HORMAD2: variants seen among roughly 807,000 people sequenced by gnomAD.
HORMAD2 encodes the protein HORMA domain containing 2.
Under a neutral mutation model 38.8 loss-of-function variants are expected in HORMAD2, and 45 were observed. The ratio of observed to expected loss-of-function variants is 1.16; its 90% CI spans 0.91 to 1.49. The LOEUF (loss-of-function observed/expected upper bound fraction) is 1.49, where lower values mean the gene tolerates loss of function less well. HORMAD2 is among the 40% of genes most tolerant of loss of function. HORMAD2 has a pLI of 0.00. For missense variants in HORMAD2, 338 were observed against 367.0 expected, an observed-to-expected ratio of 0.92 and a Z score of 0.65; for synonymous variants, 126 against 122.8, an observed-to-expected ratio of 1.03 and a Z score of -0.17.
At chr22:30,098,687 G>A (rs1246536667) in intron 2 of HORMAD2, among the ~76,000 whole-genome samples, 165 bp from the exon 3 acceptor site, 2 of 152,110 alleles carry the variant, frequency 1.3e-5, no homozygotes, top group Non-Finnish European at 2.9e-5. Context: ...TGCCTATGAA[G>A]ATCTAATTTA....
chr22:30,159,255 T>C (rs1177821169), intron 10 of HORMAD2, among the ~76,000 whole-genome samples: 1 of 152,202 alleles, frequency 6.6e-6, no homozygotes, highest in Non-Finnish European at 1.5e-5. Context: ...TTCACTCTGC[T>C]CTCTGGCCCA....
chr22:30,191,098 C>T, the HORMAD2 span, among the ~76,000 whole-genome samples: 1 of 152,244 alleles, frequency 6.6e-6, no homozygotes, highest in East Asian at 1.9e-4. Flanking sequence ...TCTTTCCCTG[C>T]TCTGAGAAGT....
chr22:30,104,531 CA>C (rs1921043986), intron 5 of HORMAD2, 94 bp downstream of exon 5: 1 of 1,043,470 alleles, frequency 9.6e-7, no homozygotes, highest in South Asian at 1.4e-5. Flanking sequence ...TTGTGTTTAA[CA>C]GTATAAGTGT....
chr22:30,078,607 C>CCAAAA (rs1234942826), upstream of HORMAD2, among the ~76,000 whole-genome samples: 27 of 28,092 alleles, frequency 9.6e-4, 2 homozygotes, highest in African/African-American at 2.7e-3. Context: ...CTCTGTCTCA[C>CCAAAA]AAAAAAAAAA....
intron 10 of HORMAD2, among the ~76,000 whole-genome samples, chr22:30,124,290 C>CACACACAT (rs1248918561): frequency 7.0e-6 from 1 of 143,708 alleles, no homozygotes; most frequent in African/African-American, 2.5e-5. Context: ...CACACACACA[C>CACACACAT]ACATACATAC....
chr22:30,168,260 G>A (rs1302225472), intron 10 of HORMAD2, among the ~76,000 whole-genome samples: 2 of 152,054 alleles, frequency 1.3e-5, no homozygotes, highest in Non-Finnish European at 2.9e-5. Flanking sequence ...AAATAATTAA[G>A]GCCATCAAAC....
intron 10 of HORMAD2, among the ~76,000 whole-genome samples, chr22:30,126,451 G>A (rs2146140834): frequency 6.6e-6 from 1 of 152,272 alleles, no homozygotes; most frequent in South Asian, 2.1e-4. Context: ...ACAGGTGTGA[G>A]CCACCACGCA....
At chr22:30,188,525 C>T in the HORMAD2 span, among the ~76,000 whole-genome samples, 1 of 152,150 alleles carries the variant, frequency 6.6e-6, no homozygotes, top group Admixed American at 6.5e-5. Context: ...TTTCAAAGGG[C>T]CCTCTCTGGG....
intron 10 of HORMAD2, chr22:30,137,101 A>G: frequency 2.7e-6 from 1 of 377,310 alleles, no homozygotes; most frequent in East Asian, 5.1e-5. Context: ...ATGTGAACTT[A>G]AATCATGGTC....
chr22:30,111,906 C>A, intron 6 of HORMAD2, 90 bp downstream of exon 6: 1 of 942,830 alleles, frequency 1.1e-6, no homozygotes, highest in Non-Finnish European at 1.6e-6. Flanking sequence ...TCTCCCTCTT[C>A]CTCCCTGACT....
At chr22:30,187,402 C>T in the HORMAD2 span, among the ~76,000 whole-genome samples, 1 of 152,044 alleles carries the variant, frequency 6.6e-6, no homozygotes, top group African/African-American at 2.4e-5. Context: ...AACCACCATG[C>T]TTTGCTATGA....
At chr22:30,130,710 C>T (rs1005689812) in intron 10 of HORMAD2, among the ~76,000 whole-genome samples, 4 of 151,440 alleles carry the variant, frequency 2.6e-5, no homozygotes, top group Middle Eastern at 3.2e-3. Flanking sequence ...TCTACCTCAG[C>T]CACCCGAGTA....
At chr22:30,146,810 G>A (rs1230133947) in intron 10 of HORMAD2, among the ~76,000 whole-genome samples, 1 of 151,958 alleles carries the variant, frequency 6.6e-6, no homozygotes, top group Non-Finnish European at 1.5e-5. Context: ...AAATCTACAA[G>A]AAAGACACCA....
At chr22:30,195,690 G>C in the HORMAD2 span, among the ~76,000 whole-genome samples, 2 of 152,332 alleles carry the variant, frequency 1.3e-5, no homozygotes, top group African/African-American at 4.8e-5. Context: ...CTGAGGCTTA[G>C]TGAACTCAGG....
At chr22:30,169,888 G>T (rs1272760126) in intron 10 of HORMAD2, among the ~76,000 whole-genome samples, 1 of 152,110 alleles carries the variant, frequency 6.6e-6, no homozygotes, top group African/African-American at 2.4e-5. Flanking sequence ...TATCAAGAAA[G>T]CTTACAGCTC....
intron 10 of HORMAD2, among the ~76,000 whole-genome samples, chr22:30,128,316 T>C (rs1923022855): frequency 6.6e-6 from 1 of 152,188 alleles, no homozygotes; most frequent in Admixed American, 6.5e-5. Flanking sequence ...CTCTCCAGTA[T>C]TTTTTCATTG....
At chr22:30,139,280 A>G (rs1923900768) in intron 10 of HORMAD2, among the ~76,000 whole-genome samples, 1 of 139,658 alleles carries the variant, frequency 7.2e-6, no homozygotes, top group Admixed American at 7.2e-5. Context: ...ATATATATAT[A>G]TATATATCCT....
intron 1 of HORMAD2, among the ~76,000 whole-genome samples, chr22:30,084,871 C>T (rs547873089): frequency 6.6e-6 from 1 of 151,998 alleles, no homozygotes; most frequent in East Asian, 1.9e-4. Context: ...AACGGCCAGG[C>T]GTGGTGGCTC....
chr22:30,103,582 G>T (rs551423863), intron 4 of HORMAD2, 82 bp downstream of exon 4: 10 of 448,514 alleles, frequency 2.2e-5, no homozygotes, highest in East Asian at 5.6e-5. Flanking sequence ...TATTTAGTAA[G>T]ATCATTTTTT....
Sources: allele counts gnomAD v4.1 joint callset (sites outside exome capture counted in the v4.1 genomes callset), GRCh38; gene constraint gnomAD v4.1.1; transcripts MANE v1.5; gene names NCBI Gene and HGNC (gene_info 2026-07-23, HGNC 2026-07-21).